The following SLC44A1 variants were observed in gnomAD, a reference collection of about 807,000 sequenced individuals.
SLC44A1 encodes the protein solute carrier family 44 member 1.
SLC44A1 carries 26 observed loss-of-function variants against 79.3 expected under a neutral mutation model. That is an observed-to-expected ratio of 0.33 (90% CI 0.24 to 0.46). The LOEUF (loss-of-function observed/expected upper bound fraction) is 0.46, where lower values mean the gene tolerates loss of function less well. Among genes scored for constraint, SLC44A1 ranks in the 20% least tolerant of loss-of-function variants. The probability of loss-of-function intolerance (pLI) is 1.00; values close to 1 mark genes in which losing one functional copy is unlikely to be tolerated. For synonymous variants in SLC44A1, 263 were observed against 286.2 expected (o/e 0.92, Z 0.82); for missense variants, 688 against 798.1 (o/e 0.86, Z 1.66).
At chr9:105,314,753 A>G (rs1305296556) in intron 3 of SLC44A1, among the ~76,000 whole-genome samples, 2 of 152,204 alleles carry the variant, frequency 1.3e-5, no homozygotes, top group South Asian at 2.1e-4. Context: ...GGTGCATTTT[A>G]TTTGAGCTCT....
chr9:105,372,059 C>T (rs1828120508), intron 12 of SLC44A1, among the ~76,000 whole-genome samples: 3 of 152,248 alleles, frequency 2.0e-5, no homozygotes, highest in Admixed American at 2.0e-4. Context: ...TGTGTGGTGC[C>T]TGCTATCTTT....
intron 1 of SLC44A1, among the ~76,000 whole-genome samples, chr9:105,293,981 G>T (rs1830661778): frequency 6.6e-6 from 1 of 152,094 alleles, no homozygotes; most frequent in South Asian, 2.1e-4. Flanking sequence ...ATATAGGAAG[G>T]CATGTGAAGG....
intron 13 of SLC44A1, among the ~76,000 whole-genome samples, chr9:105,376,417 A>G (rs1828292726): frequency 6.8e-6 from 1 of 146,040 alleles, no homozygotes; most frequent in African/African-American, 2.6e-5. Flanking sequence ...CTTATTGCCC[A>G]GGCTGGAGTG....
Position 105,304,944 on chromosome 9 carries a change from G to GTTTTTTTTTGTTTT in SLC44A1, c.127-4771_127-4770insGTTTTTTTTTTTTT, listed in dbSNP as rs1554790127. On this transcript the variant is annotated intron_variant, in intron 2 of 15. Transcript: ENST00000374720. ...GTAGTTATTCCCTAGACTTTCTATC[G>GTTTTTTTTTGTTTT]TTTTTTTTTTTTTTTTTTTTTTTTT... Among the ~76,000 whole-genome samples the GTTTTTTTTTGTTTT allele has an allele frequency of 1.0e-3, 21 of 20,086 alleles. 10 individuals are homozygous for GTTTTTTTTTGTTTT. Among genetic ancestry groups the GTTTTTTTTTGTTTT allele is most frequent in the South Asian group, 4.8e-3 (2 of 414 alleles). 13.2% of individuals were successfully genotyped at this position (20,086 alleles called of 152,430 possible). A position where few individuals can be genotyped will look rare whatever the true frequency, so the allele number is the denominator to read the frequency against.
At chr9:105,315,013 T>C (rs562862021) in intron 3 of SLC44A1, among the ~76,000 whole-genome samples, 4 of 152,354 alleles carry the variant, frequency 2.6e-5, no homozygotes, top group Admixed American at 2.6e-4. Context: ...TACACTAAAA[T>C]AGATCTGGTG....
chr9:105,391,726 C>G lies in SLC44A1; in HGVS notation c.*2670C>G. 6.1e-6 allele frequency: 6 copies of G among 985,276 alleles called. No individual in the cohort carries two copies. The highest frequency in any genetic ancestry group is 6.0e-6 in the Non-Finnish European group (5 of 829,882). 61.0% of individuals were successfully genotyped at this position (985,276 alleles called of 1,614,324 possible). ...ATGGGCTGCCTTATTGCTATTCGCT[C>G]ACTGCTTCCATCTTCTGCCCAAGTG... On this transcript the variant is annotated 3_prime_UTR_variant, in exon 16 of 16. Coordinates refer to ENST00000374720, the MANE Select transcript of SLC44A1 (RefSeq NM_080546.5).
chr9:105,300,547 A>G (rs1830850555), intron 2 of SLC44A1, among the ~76,000 whole-genome samples: 1 of 152,206 alleles, frequency 6.6e-6, no homozygotes, highest in Non-Finnish European at 1.5e-5. Flanking sequence ...GAGAAAAGGA[A>G]AAGAAAGCAA....
chr9:105,289,284 A>G (rs1422190832), intron 1 of SLC44A1, among the ~76,000 whole-genome samples: 1 of 152,192 alleles, frequency 6.6e-6, no homozygotes, highest in Non-Finnish European at 1.5e-5. Flanking sequence ...GTAGACGATA[A>G]AGTGGGAAGA....
intron 4 of SLC44A1, among the ~76,000 whole-genome samples, chr9:105,347,468 C>T (rs1033841769): frequency 2.2e-4 from 34 of 151,770 alleles, no homozygotes; most frequent in African/African-American, 7.3e-4. Flanking sequence ...TTAAAATTAA[C>T]GGATCAGGAA....
At chr9:105,274,102 G>A (rs1830141924) in intron 1 of SLC44A1, among the ~76,000 whole-genome samples, 1 of 152,106 alleles carries the variant, frequency 6.6e-6, no homozygotes, top group Non-Finnish European at 1.5e-5. Flanking sequence ...AACCAGTAAA[G>A]GATATATCCA....
intron 15 of SLC44A1, among the ~76,000 whole-genome samples, chr9:105,416,422 GGTCA>G (rs1378787904): frequency 6.6e-6 from 1 of 152,076 alleles, no homozygotes; most frequent in Admixed American, 6.6e-5. Context: ...GGATAGGTGT[GGTCA>G]GTGTAGCAAT....
intron 15 of SLC44A1, among the ~76,000 whole-genome samples, chr9:105,429,149 C>T (rs13295239): frequency 0.033 from 5,052 of 152,322 alleles, 117 homozygotes; most frequent in African/African-American, 0.066. Flanking sequence ...CCTTGTCTCA[C>T]TCACAGGTAA....
At chr9:105,266,547 T>G (rs1829966386) in intron 1 of SLC44A1, among the ~76,000 whole-genome samples, 1 of 152,220 alleles carries the variant, frequency 6.6e-6, no homozygotes, top group Admixed American at 6.5e-5. Context: ...TTTATTTCAG[T>G]GCAATTTATT....
intron 15 of SLC44A1, among the ~76,000 whole-genome samples, chr9:105,403,158 A>G (rs950047936): frequency 6.6e-6 from 1 of 152,056 alleles, no homozygotes; most frequent in African/African-American, 2.4e-5. Flanking sequence ...AAGCAAAGAC[A>G]TAAACAGGAA....
intron 15 of SLC44A1, among the ~76,000 whole-genome samples, chr9:105,427,829 G>A (rs1167302315): frequency 6.6e-6 from 1 of 152,166 alleles, no homozygotes; most frequent in African/African-American, 2.4e-5. Flanking sequence ...ACATCCGGCA[G>A]ATACTCATAT....
At chr9:105,328,009 T>A (rs1826633117) in intron 3 of SLC44A1, among the ~76,000 whole-genome samples, 2 of 152,236 alleles carry the variant, frequency 1.3e-5, no homozygotes, top group Non-Finnish European at 2.9e-5. Context: ...TTCTTTTGAA[T>A]AAACGAGAGT....
intron 13 of SLC44A1, among the ~76,000 whole-genome samples, chr9:105,376,635 A>G (rs1388728145): frequency 6.6e-6 from 1 of 152,102 alleles, no homozygotes; most frequent in East Asian, 1.9e-4. Context: ...CGGCCTCCCA[A>G]AGTGCTGGGA....
At chr9:105,356,130 A>G in intron 5 of SLC44A1, 82 bp from the exon 6 acceptor site, 1 of 1,064,518 alleles carries the variant, frequency 9.4e-7, no homozygotes. Context: ...AGCCATATTC[A>G]CCTTTCATTT....
chr9:105,380,426 CCTGCCTCAGCCTCCTGAGTAG>C (rs1828426584), intron 13 of SLC44A1, among the ~76,000 whole-genome samples: 3 of 152,004 alleles, frequency 2.0e-5, no homozygotes, highest in Non-Finnish European at 2.9e-5. Flanking sequence ...AAGCAGTCCT[CCTGCCTCAGCCTCCTGAGTAG>C]CTGGGACTGT....
Sources: allele counts gnomAD v4.1 joint callset (sites outside exome capture counted in the v4.1 genomes callset), GRCh38; gene constraint gnomAD v4.1.1; transcripts MANE v1.5; gene names NCBI Gene and HGNC (gene_info 2026-07-23, HGNC 2026-07-21).